The following MTA3 variants were observed in gnomAD, a reference collection of about 807,000 sequenced individuals.
MTA3 encodes the protein metastasis-associated protein MTA3.
Under a neutral mutation model 83.5 loss-of-function variants are expected in MTA3, and 34 were observed. That is an observed-to-expected ratio of 0.41 (90% confidence interval 0.31 to 0.54). MTA3 has a LOEUF of 0.54. MTA3 is among the 20% of genes least tolerant of loss of function. The pLI, the probability that MTA3 is intolerant of heterozygous loss-of-function variation, is 0.33. For synonymous variants in MTA3, 303 were observed against 252.7 expected (o/e 1.20, Z -1.89); for missense variants, 761 against 726.4 (o/e 1.05, Z -0.55).
At chr2:42,625,473 A>G (rs996175268) in intron 4 of MTA3, among the ~76,000 whole-genome samples, 5 of 151,362 alleles carry the variant, frequency 3.3e-5, no homozygotes, top group African/African-American at 1.2e-4. Context: ...TGGGCCGGGC[A>G]CAGTGGCTTA....
chr2:42,503,168 C>T (rs1674477134), intron 2 of MTA3, among the ~76,000 whole-genome samples: 1 of 152,040 alleles, frequency 6.6e-6, no homozygotes, highest in Non-Finnish European at 1.5e-5. Context: ...TGCTGGTTGC[C>T]CATTTTTATG....
chr2:42,691,055 T>C (rs1459323336), intron 9 of MTA3, among the ~76,000 whole-genome samples: 1 of 152,022 alleles, frequency 6.6e-6, no homozygotes, highest in Non-Finnish European at 1.5e-5. Flanking sequence ...TTTCTTATTT[T>C]CAGTAGAAAT....
At chr2:42,585,313 C>T (rs542158557) in intron 3 of MTA3, among the ~76,000 whole-genome samples, 1 of 151,996 alleles carries the variant, frequency 6.6e-6, no homozygotes, top group Admixed American at 6.6e-5. Context: ...GTCTCGAACT[C>T]CCAACCTCAG....
intron 16 of MTA3, 54 bp downstream of exon 16, chr2:42,723,089 A>G (rs1667546070): frequency 5.2e-6 from 8 of 1,523,904 alleles, no homozygotes; most frequent in Non-Finnish European, 7.1e-6. Context: ...CTTCACACTC[A>G]GGCATGTGTC....
chr2:42,683,412 A>G (rs998281553), intron 9 of MTA3, among the ~76,000 whole-genome samples: 2 of 152,086 alleles, frequency 1.3e-5, no homozygotes, highest in African/African-American at 4.8e-5. Flanking sequence ...GTGGTCCCCA[A>G]CCTTTTTGGC....
Position 42,667,998 on chromosome 2 carries a change from C to T in MTA3, c.702+8136C>T, listed in dbSNP as rs78961074. On this transcript the variant is annotated intron_variant, in intron 8 of 16. Coordinates refer to ENST00000405094, the MANE Select transcript of MTA3 (RefSeq NM_001330442.2). ...TAGCTCATGTATGATCCGTGTAGCCCGGCGCAAGTTACTTAACCTACCTTT... is the reference window on the plus strand; with the variant it reads ...TAGCTCATGTATGATCCGTGTAGCCTGGCGCAAGTTACTTAACCTACCTTT... Among the ~76,000 whole-genome samples the T allele has an allele frequency of 2.9e-3, 449 of 152,212 alleles. 1 individual carries two copies. The highest frequency in any genetic ancestry group is 0.01 in the African/African-American group (420 of 41,528).
chr2:42,564,844 T>C (rs879740291), upstream of MTA3, among the ~76,000 whole-genome samples: 6 of 152,188 alleles, frequency 3.9e-5, no homozygotes, highest in Non-Finnish European at 5.9e-5. Context: ...TGGTGTGATC[T>C]TGGCTCACTG....
At chr2:42,565,188 TTTTG>T (rs559404157), upstream of MTA3, among the ~76,000 whole-genome samples, 503 of 152,122 alleles carry the variant, frequency 3.3e-3, 2 homozygotes, top group African/African-American at 0.012. Flanking sequence ...CTTTTTTTTC[TTTTG>T]TTTATTTATT....
chr2:42,538,212 G>A (rs927035301), intron 2 of MTA3, among the ~76,000 whole-genome samples: 10 of 152,008 alleles, frequency 6.6e-5, no homozygotes, highest in Non-Finnish European at 1.5e-4. Context: ...CAGCCTGGGC[G>A]ACACAGCGAG....
chr2:42,699,574 G>T (rs1693681419), intron 11 of MTA3, among the ~76,000 whole-genome samples: 1 of 152,156 alleles, frequency 6.6e-6, no homozygotes, highest in Non-Finnish European at 1.5e-5. Flanking sequence ...GATAACACTA[G>T]CTTGACCTAG....
Position 42,752,190 on chromosome 2 carries a change from C to G in MTA3, c.1760-1184C>G, listed in dbSNP as rs188911263. ...TTATTTAACACATACTTGCTGAGCTCATATCAAATACCAAGCTGGGTACAG... is the reference window on the plus strand; with the variant it reads ...TTATTTAACACATACTTGCTGAGCTGATATCAAATACCAAGCTGGGTACAG... On this transcript the variant is annotated intron_variant, in intron 16 of 16. Transcript: ENST00000405094. 12 of 471,292 alleles carry G rather than the reference C, an allele frequency of 2.5e-5. No homozygotes were observed. In the East Asian group the frequency reaches 4.2e-4, roughly 16 times the overall value. 29.2% of individuals were successfully genotyped at this position (471,292 alleles called of 1,614,324 possible).
intron 3 of MTA3, 31 bp from the exon 4 acceptor site, chr2:42,609,426 AC>A: frequency 6.2e-7 from 1 of 1,603,158 alleles, no homozygotes; most frequent in South Asian, 1.1e-5. Flanking sequence ...TGTGCTTTGT[AC>A]TAATAAATTC....
rs1429668837 is a variant in MTA3, at chr2:42,718,983, C to T, written c.1526-5C>T. ...GGTTATCTCCATGTTTCTTTCTCTCCTCAGATGCAGACAGACATGCTGAAC... is the reference window on the plus strand; with the variant it reads ...GGTTATCTCCATGTTTCTTTCTCTCTTCAGATGCAGACAGACATGCTGAAC... On this transcript the variant is annotated splice_polypyrimidine_tract_variant and splice_region_variant and intron_variant, in intron 14 of 16. Transcript: ENST00000405094. The T allele has an allele frequency of 1.3e-6, 2 of 1,548,218 alleles. No individual in the cohort carries two copies. The highest frequency in any genetic ancestry group is 8.7e-7 in the Non-Finnish European group (1 of 1,144,972).
chr2:42,653,823 A>G (rs1688927354), intron 6 of MTA3, among the ~76,000 whole-genome samples: 1 of 152,256 alleles, frequency 6.6e-6, no homozygotes, highest in South Asian at 2.1e-4. Context: ...AGGAGTATAC[A>G]ACAGAAGGGG....
intron 14 of MTA3, among the ~76,000 whole-genome samples, chr2:42,718,352 A>G (rs893129472): frequency 3.0e-4 from 46 of 151,834 alleles, no homozygotes; most frequent in African/African-American, 4.6e-4. Flanking sequence ...GGTTCAAGCA[A>G]TTCTCCTGCC....
intron 2 of MTA3, among the ~76,000 whole-genome samples, chr2:42,517,536 G>T (rs569266013): frequency 4.2e-4 from 61 of 146,642 alleles, no homozygotes; most frequent in African/African-American, 1.5e-3. Context: ...TCATGCCATT[G>T]CACTCCAGCC....
Position 42,695,710 on chromosome 2 carries a change from A to G in MTA3, c.892-55A>G. On this transcript the variant is annotated intron_variant, in intron 9 of 16. Coordinates refer to ENST00000405094, the MANE Select transcript of MTA3 (RefSeq NM_001330442.2). ...GTACTTTCTATAGTAGCTTATTTTC[A>G]TCTCATTTTATTATATGTTAACATA... 6 of 1,004,926 alleles carry G rather than the reference A, an allele frequency of 6.0e-6. No homozygotes were observed. In the South Asian group the frequency reaches 6.7e-5, roughly 11 times the overall value. 62.3% of individuals were successfully genotyped at this position (1,004,926 alleles called of 1,614,324 possible).
chr2:42,696,631 T>G (rs1185670898), intron 10 of MTA3, among the ~76,000 whole-genome samples: 1 of 152,132 alleles, frequency 6.6e-6, no homozygotes, highest in Non-Finnish European at 1.5e-5. Flanking sequence ...GTGAGCTGGG[T>G]ATGGTGGTGT....
chr2:42,649,658 A>G (rs1019083035), intron 6 of MTA3, among the ~76,000 whole-genome samples: 11 of 152,210 alleles, frequency 7.2e-5, no homozygotes, highest in Non-Finnish European at 1.0e-4. Context: ...AATTTTTACA[A>G]AAGTGCCTTC....
Sources: gnomAD v4.1 joint callset for allele counts (sites outside exome capture counted in the v4.1 genomes callset) on GRCh38, gnomAD v4.1.1 for gene constraint, MANE v1.5 for transcripts, NCBI Gene and HGNC (gene_info 2026-07-23, HGNC 2026-07-21) for gene names.